Variants in ATXN1 observed in about 807,000 individuals in gnomAD.
ATXN1 encodes the protein ataxin-1.
In ATXN1, 8 loss-of-function variants were observed where a neutral mutation model predicts 56.4. The observed-to-expected ratio is 0.14, with a 90% confidence interval of 0.08 to 0.26. ATXN1 has a LOEUF of 0.26. Ranked by LOEUF, ATXN1 falls within the 10% of genes least tolerant of loss-of-function variation. The pLI is 1.00. For synonymous variants in ATXN1, 514 were observed against 494.6 expected (o/e 1.04, Z -0.52); for missense variants, 987 against 1,106.5 (o/e 0.89, Z 1.53).
intron 5 of ATXN1, among the ~76,000 whole-genome samples, chr6:16,498,643 C>T (rs368503114): frequency 2.6e-5 from 4 of 152,282 alleles, no homozygotes; most frequent in South Asian, 2.1e-4. Context: ...CACAAGCTTG[C>T]CAACACTTGT....
chr6:16,474,566 G>A (rs952813525), intron 6 of ATXN1, among the ~76,000 whole-genome samples: 1 of 152,208 alleles, frequency 6.6e-6, no homozygotes, highest in East Asian at 1.9e-4. Context: ...GCCCTTAACT[G>A]TTGGGATGGC....
At chr6:16,639,431 A>C (rs947981136) in intron 3 of ATXN1, among the ~76,000 whole-genome samples, 1 of 152,210 alleles carries the variant, frequency 6.6e-6, no homozygotes, top group Non-Finnish European at 1.5e-5. Context: ...CTCCTGCCTC[A>C]GCCGCCTAAG....
chr6:16,456,038 G>A (rs1051309464), intron 6 of ATXN1, among the ~76,000 whole-genome samples: 20 of 152,250 alleles, frequency 1.3e-4, no homozygotes, highest in African/African-American at 3.9e-4. Context: ...GAATAAAAGC[G>A]GGCCACCCCA....
At chr6:16,323,717 TGTGTTAAGGATTCTAA>T (rs1477712113) in intron 7 of ATXN1, among the ~76,000 whole-genome samples, 2 of 151,966 alleles carry the variant, frequency 1.3e-5, no homozygotes, top group Admixed American at 6.6e-5. Flanking sequence ...TTCACAAAAA[TGTGTTAAGGATTCTAA>T]GTACCATGAA....
chr6:16,573,114 C>T (rs1048371753), intron 4 of ATXN1, among the ~76,000 whole-genome samples: 34 of 152,178 alleles, frequency 2.2e-4, no homozygotes, highest in Admixed American at 1.4e-3. Context: ...GTAGGCTGAC[C>T]TGGCCATTCA....
chr6:16,312,242 G>A (rs992115805), intron 7 of ATXN1, among the ~76,000 whole-genome samples: 15 of 152,132 alleles, frequency 9.9e-5, no homozygotes, highest in Non-Finnish European at 2.1e-4. Flanking sequence ...ACAGATACAC[G>A]TGTTTCCCTC....
Position 16,674,344 on chromosome 6 carries a change from T to C in ATXN1, c.-614-16443A>G, listed in dbSNP as rs1012298916. Among the ~76,000 whole-genome samples the C allele has an allele frequency of 2.4e-3, 331 of 137,786 alleles. 1 individual carries two copies. The highest frequency in any genetic ancestry group is 4.1e-3 in the Non-Finnish European group (261 of 64,286). The allele number at this position is 137,786 out of a possible 152,430, so 90.4% of individuals were successfully genotyped here. On this transcript the variant is annotated intron_variant, in intron 2 of 7. Transcript: ENST00000436367. The stretch of plus-strand genomic sequence containing the variant: ...CTGTTACAGAGAACTTTCTTTTTTT[T>C]TTTTTTTTTTTTTTTTGAGACGGAG...
At chr6:16,711,526 T>TCATATATATACA (rs999514183) in intron 2 of ATXN1, among the ~76,000 whole-genome samples, 1 of 151,476 alleles carries the variant, frequency 6.6e-6, no homozygotes, top group Non-Finnish European at 1.5e-5. Context: ...TATAAAGAAC[T>TCATATATATACA]CATATATATA....
intron 2 of ATXN1, among the ~76,000 whole-genome samples, chr6:16,751,449 C>G (rs1374432813): frequency 6.6e-6 from 1 of 152,236 alleles, no homozygotes; most frequent in African/African-American, 2.4e-5. Flanking sequence ...CCCTCCTCCA[C>G]CTTGTCCCCC....
intron 5 of ATXN1, among the ~76,000 whole-genome samples, chr6:16,487,094 C>T (rs1411371112): frequency 6.6e-6 from 1 of 152,162 alleles, no homozygotes; most frequent in Non-Finnish European, 1.5e-5. Context: ...TGGAACGATA[C>T]TATCAACTTA....
Position 16,419,428 on chromosome 6 carries a change from T to C in ATXN1, c.-161+66544A>G, listed in dbSNP as rs541363701. Reference sequence around the variant, plus strand: ...CCTGGTAATCATATACTCTTTGTATTTTATAAATATATACATTAATATATT... The same window carrying C: ...CCTGGTAATCATATACTCTTTGTATCTTATAAATATATACATTAATATATT... On this transcript the variant is annotated intron_variant, in intron 6 of 7. Coordinates refer to ENST00000436367, the MANE Select transcript of ATXN1 (RefSeq NM_001128164.2). Among the ~76,000 whole-genome samples, 11 of 151,830 alleles carry C rather than the reference T, an allele frequency of 7.2e-5. No homozygotes were observed. The South Asian group carries it at 1.7e-3, about 23-fold the overall frequency.
chr6:16,603,697 A>G (rs528585941), intron 3 of ATXN1, among the ~76,000 whole-genome samples: 1 of 152,316 alleles, frequency 6.6e-6, no homozygotes, highest in South Asian at 2.1e-4. Flanking sequence ...CCACAAGAAA[A>G]GACGCGGGAG....
intron 2 of ATXN1, among the ~76,000 whole-genome samples, chr6:16,689,620 A>G (rs1051394108): frequency 1.5e-5 from 2 of 131,022 alleles, no homozygotes; most frequent in Non-Finnish European, 3.1e-5. Flanking sequence ...CTAGATTTGT[A>G]TTTTTAATTG....
At position 16,655,704 on chromosome 6, in the gene ATXN1, A is replaced by T. The variant is rs139287457; in HGVS notation, c.-489+2072T>A. Among the ~76,000 whole-genome samples, 524 of 152,014 alleles carry T rather than the reference A, an allele frequency of 3.4e-3. 3 individuals are homozygous for T. The highest frequency in any genetic ancestry group is 0.012 in the African/African-American group (489 of 41,416). On this transcript the variant is annotated intron_variant, in intron 3 of 7. Coordinates refer to ENST00000436367, the MANE Select transcript of ATXN1 (RefSeq NM_001128164.2). The stretch of plus-strand genomic sequence containing the variant: ...GAAACCCCGTCTCAAATAAATAAAT[A>T]AATAAATAAATTAAAATTAAATACA...
At chr6:16,483,555 C>T (rs1055098389) in intron 6 of ATXN1, among the ~76,000 whole-genome samples, 23 of 152,128 alleles carry the variant, frequency 1.5e-4, no homozygotes, top group African/African-American at 5.1e-4. Context: ...CAAGCAAATG[C>T]GGTTTTGAAA....
intron 2 of ATXN1, among the ~76,000 whole-genome samples, chr6:16,731,004 T>C (rs973616696): frequency 2.0e-5 from 3 of 152,160 alleles, no homozygotes. Context: ...TGGACAAATG[T>C]CATTAACGTT....
intron 6 of ATXN1, among the ~76,000 whole-genome samples, chr6:16,451,167 G>A (rs1042904411): frequency 6.6e-6 from 1 of 152,140 alleles, no homozygotes; most frequent in African/African-American, 2.4e-5. Flanking sequence ...AATTATATAG[G>A]ATTGAAAATA....
intron 2 of ATXN1, among the ~76,000 whole-genome samples, chr6:16,713,032 T>C (rs1395420246): frequency 6.6e-6 from 1 of 152,226 alleles, no homozygotes; most frequent in Non-Finnish European, 1.5e-5. Context: ...TGACTCATAA[T>C]AAGCATAGTT....
chr6:16,579,893 A>G (rs918526005), intron 4 of ATXN1, among the ~76,000 whole-genome samples: 2 of 152,170 alleles, frequency 1.3e-5, no homozygotes, highest in African/African-American at 4.8e-5. Flanking sequence ...AAGAGAAAAC[A>G]AGAGGGACAG....
Sources: allele counts gnomAD v4.1 joint callset (sites outside exome capture counted in the v4.1 genomes callset), GRCh38; gene constraint gnomAD v4.1.1; transcripts MANE v1.5; gene names NCBI Gene and HGNC (gene_info 2026-07-23, HGNC 2026-07-21).